The following RAI14 variants were observed in gnomAD, a reference collection of about 807,000 sequenced individuals.
RAI14 encodes the protein retinoic acid induced 14, also known as ankycorbin.
A neutral mutation model predicts 115.4 loss-of-function variants in RAI14; 45 were observed. The ratio of observed to expected loss-of-function variants is 0.39; its 90% confidence interval spans 0.31 to 0.50. The LOEUF is 0.50. Ranked by LOEUF, RAI14 falls within the 20% of genes least tolerant of loss-of-function variation. The pLI is 0.85. For missense variants in RAI14, 939 were observed against 1,131.2 expected, an observed-to-expected ratio of 0.83 and a Z score of 2.44; for synonymous variants, 371 against 415.4, an observed-to-expected ratio of 0.89 and a Z score of 1.30.
chr5:34,788,344 CCTT>C (rs1175092885), intron 3 of RAI14, among the ~76,000 whole-genome samples: 2 of 152,120 alleles, frequency 1.3e-5, no homozygotes, highest in Non-Finnish European at 1.5e-5. Flanking sequence ...TCCCTCCTCT[CCTT>C]CTTCCCTAGT....
chr5:34,791,259 C>T lies in RAI14; in HGVS notation c.168-4680C>T, dbSNP rs2150192526. Reference sequence around the variant, plus strand: ...AATATTTCTTTATTGAGTAGTGGGACCGTCTAGACTGTGTGCTGGCTCTTA... The same window carrying T: ...AATATTTCTTTATTGAGTAGTGGGATCGTCTAGACTGTGTGCTGGCTCTTA... On this transcript the variant is annotated intron_variant, in intron 3 of 17. Transcript: ENST00000265109. This position sits in a 1 kb window ranked among gnomAD's most constrained non-coding sequence, Gnocchi z 5.4. Among the ~76,000 whole-genome samples the T allele has an allele frequency of 6.6e-6, 1 of 152,202 alleles. No homozygotes were observed. Among genetic ancestry groups the T allele is most frequent in the South Asian group, 2.1e-4 (1 of 4,824 alleles).
intron 2 of RAI14, among the ~76,000 whole-genome samples, chr5:34,697,174 C>T (rs188267675): frequency 2.6e-4 from 40 of 151,888 alleles, no homozygotes; most frequent in Non-Finnish European, 4.7e-4. Context: ...CGGTGGCTCA[C>T]GCCTGTAATC....
intron 15 of RAI14, among the ~76,000 whole-genome samples, chr5:34,825,634 C>T (rs778570500): frequency 7.9e-4 from 120 of 151,782 alleles, no homozygotes; most frequent in Admixed American, 1.6e-3. Flanking sequence ...TTTGAGATGG[C>T]GCTGGACACA....
chr5:34,728,125 C>G (rs1743703117), intron 2 of RAI14, among the ~76,000 whole-genome samples: 1 of 152,156 alleles, frequency 6.6e-6, no homozygotes, highest in Non-Finnish European at 1.5e-5. Flanking sequence ...CCTGTAGCCC[C>G]TTTGTTTTGG....
intron 2 of RAI14, among the ~76,000 whole-genome samples, chr5:34,712,764 T>A (rs1579992298): frequency 6.6e-6 from 1 of 152,186 alleles, no homozygotes; most frequent in East Asian, 1.9e-4. Context: ...AAATGTCATG[T>A]CAGGTCTCTT....
At chr5:34,826,049 C>A in intron 15 of RAI14, 1 of 209,704 alleles carries the variant, frequency 4.8e-6, no homozygotes, top group East Asian at 1.1e-4. Flanking sequence ...AGTAGGAAAC[C>A]AACATCACAG....
At chr5:34,808,374 A>T (rs1193170089) in intron 6 of RAI14, among the ~76,000 whole-genome samples, 1 of 152,250 alleles carries the variant, frequency 6.6e-6, no homozygotes, top group Non-Finnish European at 1.5e-5. Flanking sequence ...ACTGGCAGTC[A>T]TTGGCTTTAG....
chr5:34,663,342 C>T (rs1055080016), intron 1 of RAI14, among the ~76,000 whole-genome samples: 1 of 152,016 alleles, frequency 6.6e-6, no homozygotes, highest in African/African-American at 2.4e-5. Context: ...CATGGCGAAA[C>T]TTTGTCTCTA....
chr5:34,815,820 A>G (rs919018245), intron 12 of RAI14, among the ~76,000 whole-genome samples: 5 of 152,234 alleles, frequency 3.3e-5, no homozygotes, highest in African/African-American at 7.2e-5. Flanking sequence ...ACAAAAAATG[A>G]TAAGTGTGTG....
intron 3 of RAI14, among the ~76,000 whole-genome samples, chr5:34,760,007 TTTGTTGTTG>T (rs947327120): frequency 1.3e-5 from 2 of 152,130 alleles, no homozygotes; most frequent in East Asian, 1.9e-4. Flanking sequence ...GGAGTGCTTC[TTTGTTGTTG>T]TTGTTGTTTG....
At position 34,830,892 on chromosome 5, in the gene RAI14, T is replaced by C. The variant is rs1757972762; in HGVS notation, c.*127T>C. 2 of 1,474,420 alleles carry C rather than the reference T, an allele frequency of 1.4e-6. No homozygotes were observed. The highest frequency in any genetic ancestry group is 1.8e-6 in the Non-Finnish European group (2 of 1,109,360). 91.3% of individuals were successfully genotyped at this position (1,474,420 alleles called of 1,614,324 possible). ...GTGGCCTAGCGTAGCTTCTTCCCTTTCCAAAGGTTTCTGAGGACTTCTCCC... is the reference window on the plus strand; with the variant it reads ...GTGGCCTAGCGTAGCTTCTTCCCTTCCCAAAGGTTTCTGAGGACTTCTCCC... On this transcript the variant is annotated 3_prime_UTR_variant, in exon 18 of 18. Coordinates refer to ENST00000265109, the MANE Select transcript of RAI14 (RefSeq NM_015577.3).
chr5:34,760,083 A>G (rs1013085460), intron 3 of RAI14, among the ~76,000 whole-genome samples: 8 of 138,250 alleles, frequency 5.8e-5, no homozygotes, highest in African/African-American at 2.4e-4. Context: ...GCTCACTGCA[A>G]CCTCCGCCAG....
intron 2 of RAI14, among the ~76,000 whole-genome samples, chr5:34,745,744 A>G (rs1746089510): frequency 6.6e-6 from 1 of 152,126 alleles, no homozygotes; most frequent in African/African-American, 2.4e-5. Flanking sequence ...TCCCAGCTGG[A>G]CCTTTGGAGC....
chr5:34,733,264 T>C (rs1335727696), intron 2 of RAI14: 1 of 152,192 alleles, frequency 6.6e-6, no homozygotes, highest in Non-Finnish European at 1.5e-5. Flanking sequence ...GCCTGTCCAA[T>C]GCATAGAAGG....
At chr5:34,820,138 A>G (rs905666912) in intron 13 of RAI14, among the ~76,000 whole-genome samples, 5 of 152,354 alleles carry the variant, frequency 3.3e-5, no homozygotes, top group East Asian at 1.9e-4. Context: ...GGATTTCTAT[A>G]AAGAAAGGTC....
intron 10 of RAI14, 120 bp downstream of exon 10, chr5:34,812,328 G>T: frequency 1.1e-6 from 1 of 941,716 alleles, no homozygotes; most frequent in Non-Finnish European, 1.6e-6. Context: ...AAAATACTTA[G>T]GGACTGAAAT....
chr5:34,826,214 A>G (rs1158483572), intron 15 of RAI14, 116 bp from the exon 16 acceptor site: 1 of 919,236 alleles, frequency 1.1e-6, no homozygotes, highest in African/African-American at 1.7e-5. Context: ...GAATTGTTCC[A>G]AAGTCTTAAG....
chr5:34,814,638 A>C lies in RAI14; in HGVS notation c.908A>C (p.Glu303Ala). Residue 303 changes from glutamate (E) to alanine (A), a missense_variant, in exon 12 of 18, where the codon GAA (glutamate) becomes GCA (alanine). Coordinates refer to ENST00000265109, the MANE Select transcript of RAI14 (RefSeq NM_015577.3). ...SITSTPLSGK[E>A]SVFFAEPPFK... The stretch of plus-strand genomic sequence containing the variant: ...ACTTCGACTCCACTATCGGGAAAGG[A>C]ATCGGTATTTTTTGCTGAACCACCC... 6.2e-7 allele frequency: 1 copy of C among 1,613,568 alleles called. No individual in the cohort carries two copies. Among genetic ancestry groups the C allele is most frequent in the Non-Finnish European group, 8.5e-7 (1 of 1,179,592 alleles).
At chr5:34,752,739 G>A (rs867977774) in intron 2 of RAI14, among the ~76,000 whole-genome samples, 33,690 of 103,266 alleles carry the variant, frequency 0.33, 6,723 homozygotes, top group African/African-American at 0.48. Flanking sequence ...GTGTGTGTGT[G>A]TGTGTGTGTG....
Sources: allele counts gnomAD v4.1 joint callset (sites outside exome capture counted in the v4.1 genomes callset), GRCh38; gene constraint gnomAD v4.1.1; non-coding constraint Gnocchi (gnomAD v3.1); transcripts MANE v1.5; gene names NCBI Gene and HGNC (gene_info 2026-07-23, HGNC 2026-07-21).